Variants in CCDC33 observed in about 807,000 individuals in gnomAD.
CCDC33 encodes coiled-coil domain containing 33, also known as coiled-coil domain-containing protein 33.
Under a neutral mutation model 91.9 loss-of-function variants are expected in CCDC33, and 94 were observed. That is an observed-to-expected ratio of 1.02 (90% CI 0.87 to 1.21). CCDC33 has a LOEUF of 1.21. Ranked by LOEUF, CCDC33 falls within the 50% of genes most tolerant of loss-of-function variation. The pLI is 0.00. For synonymous variants in CCDC33, 396 were observed against 374.5 expected (o/e 1.06, Z -0.66); for missense variants, 940 against 935.5 (o/e 1.00, Z -0.06).
intron 4 of CCDC33, among the ~76,000 whole-genome samples, chr15:74,268,123 G>A (rs1222314157): frequency 6.6e-6 from 1 of 152,236 alleles, no homozygotes; most frequent in Non-Finnish European, 1.5e-5. Flanking sequence ...ACAGGCAGTG[G>A]TCCTTGTGAG....
intron 1 of CCDC33, chr15:74,207,769 C>T (rs996587058): frequency 6.5e-7 from 1 of 1,535,748 alleles, no homozygotes; most frequent in Admixed American, 2.0e-5. Context: ...GGCCCGTGAG[C>T]TTGGGGTGTG....
intron 4 of CCDC33, among the ~76,000 whole-genome samples, chr15:74,267,637 G>C (rs1194359854): frequency 6.6e-6 from 1 of 152,080 alleles, no homozygotes; most frequent in East Asian, 1.9e-4. Flanking sequence ...CCCTGAAAGT[G>C]GTTGAGAGTA....
intron 11 of CCDC33, among the ~76,000 whole-genome samples, chr15:74,299,257 C>G (rs2059746778): frequency 6.6e-6 from 1 of 152,222 alleles, no homozygotes; most frequent in Non-Finnish European, 1.5e-5. Context: ...CCTGGTCCCT[C>G]TACCCTCCCT....
At chr15:74,259,848 A>G (rs2075972581) in intron 2 of CCDC33, among the ~76,000 whole-genome samples, 1 of 152,192 alleles carries the variant, frequency 6.6e-6, no homozygotes, top group Non-Finnish European at 1.5e-5. Flanking sequence ...CTCTGTGCAC[A>G]CAGAGCCACA....
chr15:74,281,995 A>C, intron 10 of CCDC33, 146 bp downstream of exon 10: 1 of 658,446 alleles, frequency 1.5e-6, no homozygotes. Context: ...GTGATTTGAG[A>C]CTCCAGACAA....
intron 1 of CCDC33, among the ~76,000 whole-genome samples, chr15:74,204,219 A>T (rs1174384363): frequency 1.3e-5 from 2 of 152,210 alleles, no homozygotes; most frequent in Non-Finnish European, 2.9e-5. Flanking sequence ...GGGATGCGGG[A>T]AACTTGCCTT....
chr15:74,294,170 G>T lies in CCDC33; in HGVS notation c.1096-1584G>T, dbSNP rs2059635786. Among the ~76,000 whole-genome samples, 3 of 152,150 alleles carry T rather than the reference G, an allele frequency of 2.0e-5. No individual in the cohort carries two copies. In the South Asian group the frequency reaches 6.2e-4, roughly 32 times the overall value. On this transcript the variant is annotated intron_variant, in intron 10 of 18. Transcript: ENST00000398814. ...ACTCTGAGCGCATCTGTACTGGTTG[G>T]CAGTGTGCCCATTGCTCTATTTATT...
rs1032338004 is a variant in CCDC33 at position 74,316,286 on chromosome 15, C to T, written c.1291-13903C>T. On this transcript the variant is annotated intron_variant, in intron 11 of 18. Transcript: ENST00000398814. The surrounding 1 kb of genome is among the most constrained non-coding windows in gnomAD (Gnocchi z 4.7). The stretch of plus-strand genomic sequence containing the variant: ...ATGGGTCCCTGAGGGTCCGCTGGGG[C>T]GCCCCTCCAGCCTCCCGCCAGAGCA... Among the ~76,000 whole-genome samples the T allele has an allele frequency of 6.6e-6, 1 of 152,200 alleles. No homozygotes were observed. The highest frequency in any genetic ancestry group is 1.5e-5 in the Non-Finnish European group (1 of 68,030).
At chr15:74,291,702 G>C (rs1000937743) in intron 10 of CCDC33, among the ~76,000 whole-genome samples, 8 of 152,340 alleles carry the variant, frequency 5.3e-5, no homozygotes, top group African/African-American at 1.7e-4. Flanking sequence ...TTGTGGGGCA[G>C]GCTGGAACTG....
At chr15:74,286,627 A>G (rs2059479918) in intron 10 of CCDC33, among the ~76,000 whole-genome samples, 1 of 152,118 alleles carries the variant, frequency 6.6e-6, no homozygotes, top group Non-Finnish European at 1.5e-5. Context: ...GGACAAGTTC[A>G]TGCCGTCATC....
rs1453302240 is a variant in CCDC33 at position 74,316,519 on chromosome 15, G to A, written c.1291-13670G>A. Among the ~76,000 whole-genome samples the A allele has an allele frequency of 6.6e-6, 1 of 152,186 alleles. No homozygotes were observed. The highest frequency in any genetic ancestry group is 1.5e-5 in the Non-Finnish European group (1 of 68,020). ...ACAGGGCCCCTTGCAGGGAGGGGTG[G>A]TGAAGCCTGGTCTGGGAGGCTTCTT... On this transcript the variant is annotated intron_variant, in intron 11 of 18. Transcript: ENST00000398814. The surrounding 1 kb of genome is among the most constrained non-coding windows in gnomAD (Gnocchi z 4.7).
intron 6 of CCDC33, 113 bp from the exon 7 acceptor site, chr15:74,272,658 G>T: frequency 7.0e-7 from 1 of 1,420,422 alleles, no homozygotes; most frequent in South Asian, 1.4e-5. Flanking sequence ...AACTCGGCGG[G>T]ATCCCTGCAA....
intron 2 of CCDC33, among the ~76,000 whole-genome samples, chr15:74,252,345 A>G (rs536126583): frequency 6.0e-4 from 91 of 152,224 alleles, no homozygotes; most frequent in Middle Eastern, 6.8e-3. Context: ...GAGGCTCACA[A>G]TGACTCACAG....
intron 2 of CCDC33, among the ~76,000 whole-genome samples, chr15:74,256,539 G>A (rs887224589): frequency 1.2e-4 from 19 of 152,072 alleles, no homozygotes; most frequent in African/African-American, 4.6e-4. Flanking sequence ...GACTGTCATT[G>A]CCTCCCCATA....
chr15:74,215,344 G>C (rs187997646), upstream of CCDC33, among the ~76,000 whole-genome samples: 41 of 152,308 alleles, frequency 2.7e-4, no homozygotes, highest in Admixed American at 1.3e-3. Context: ...CACAGAGACG[G>C]AAAGTAGAAT....
chr15:74,233,607 G>C (rs964879060), upstream of CCDC33, among the ~76,000 whole-genome samples: 2 of 152,134 alleles, frequency 1.3e-5, no homozygotes, highest in Non-Finnish European at 2.9e-5. Context: ...TGCTGAGCTG[G>C]GTTTAAACTG....
chr15:74,272,913 TC>T, intron 7 of CCDC33, 22 bp downstream of exon 7: 10 of 1,613,848 alleles, frequency 6.2e-6, no homozygotes, highest in Non-Finnish European at 8.5e-6. Context: ...CCCCAGTGGT[TC>T]CAGCTTCCTG....
Position 74,244,253 on chromosome 15 carries a change from C to A in CCDC33, c.185+105C>A. 1.4e-6 allele frequency: 2 copies of A among 1,407,790 alleles called. No homozygotes were observed. Among genetic ancestry groups the A allele is most frequent in the Non-Finnish European group, 9.5e-7 (1 of 1,047,594 alleles). The allele number at this position is 1,407,790 out of a possible 1,614,324, so 87.2% of individuals were successfully genotyped here. A position where few individuals can be genotyped will look rare whatever the true frequency, so the allele number is the denominator to read the frequency against. ...AGCACCCAAAGGCCCAGGACTGGGA[C>A]TGTCATACCCAGAGGGGAGGAGCTG... On this transcript the variant is annotated intron_variant, in intron 2 of 18. Transcript: ENST00000398814. This position sits in a 1 kb window ranked among gnomAD's most constrained non-coding sequence, Gnocchi z 4.2.
At chr15:74,280,574 G>GC in intron 8 of CCDC33, 94 bp from the exon 9 acceptor site, 1 of 1,377,754 alleles carries the variant, frequency 7.3e-7, no homozygotes, top group Non-Finnish European at 9.6e-7. Context: ...AGGAAAGCAG[G>GC]CAGCGGGAGA....
Sources: gnomAD v4.1 joint callset for allele counts (sites outside exome capture counted in the v4.1 genomes callset) on GRCh38, gnomAD v4.1.1 for gene constraint, Gnocchi (gnomAD v3.1) non-coding constraint, MANE v1.5 for transcripts, NCBI Gene and HGNC (gene_info 2026-07-23, HGNC 2026-07-21) for gene names.